LRP1B: variants seen among roughly 807,000 people sequenced by gnomAD.
The protein encoded by LRP1B is low-density lipoprotein receptor-related protein 1B.
In LRP1B, 217 loss-of-function variants were observed where a neutral mutation model predicts 556.6. The ratio of observed to expected loss-of-function variants is 0.39; its 90% CI spans 0.35 to 0.44. The LOEUF (loss-of-function observed/expected upper bound fraction) is 0.44, where lower values mean the gene tolerates loss of function less well. LRP1B is among the 20% of genes least tolerant of loss of function. The pLI, the probability that LRP1B is intolerant of heterozygous loss-of-function variation, is 1.00. For synonymous variants in LRP1B, 2,047 were observed against 1,865.8 expected (o/e 1.10, Z -2.50); for missense variants, 5,053 against 5,620.8 (o/e 0.90, Z 3.23).
intron 2 of LRP1B, among the ~76,000 whole-genome samples, chr2:141,534,694 G>A (rs1574054414): frequency 2.0e-5 from 3 of 152,108 alleles, no homozygotes; most frequent in Non-Finnish European, 2.9e-5. Flanking sequence ...CTGAGATAGG[G>A]AGCTTTTTAC....
At chr2:140,380,716 A>C (rs2105188141) in intron 67 of LRP1B, among the ~76,000 whole-genome samples, 1 of 152,312 alleles carries the variant, frequency 6.6e-6, no homozygotes, top group East Asian at 1.9e-4. Context: ...TTTAAAAGTA[A>C]GTGTGCTCAT....
intron 1 of LRP1B, among the ~76,000 whole-genome samples, chr2:141,954,890 GT>G (rs1701205804): frequency 1.3e-5 from 2 of 152,040 alleles, no homozygotes; most frequent in Non-Finnish European, 2.9e-5. Context: ...ATATGGTTGT[GT>G]AGATATTTTC....
At chr2:141,195,633 T>C (rs947257509) in intron 6 of LRP1B, among the ~76,000 whole-genome samples, 1 of 152,126 alleles carries the variant, frequency 6.6e-6, no homozygotes, top group Admixed American at 6.5e-5. Flanking sequence ...CCTGAAATTA[T>C]CCATCATGCA....
intron 1 of LRP1B, among the ~76,000 whole-genome samples, chr2:142,022,573 A>G (rs527647978): frequency 5.4e-4 from 82 of 152,272 alleles, no homozygotes; most frequent in Non-Finnish European, 1.1e-3. Flanking sequence ...CTCATTCTGT[A>G]CAGTGTTTTC....
At chr2:141,309,912 C>T (rs1219263745) in intron 3 of LRP1B, among the ~76,000 whole-genome samples, 2 of 152,054 alleles carry the variant, frequency 1.3e-5, no homozygotes, top group African/African-American at 2.4e-5. Context: ...ATAAGTGTTC[C>T]TTAAATGTCA....
intron 2 of LRP1B, among the ~76,000 whole-genome samples, chr2:141,632,247 A>C (rs1481463370): frequency 6.6e-6 from 1 of 152,152 alleles, no homozygotes; most frequent in Non-Finnish European, 1.5e-5. Flanking sequence ...AAACTCATAT[A>C]ATAATTTATC....
At chr2:140,915,685 T>TAAATAAAA (rs761829529) in intron 21 of LRP1B, among the ~76,000 whole-genome samples, 1 of 126,530 alleles carries the variant, frequency 7.9e-6, no homozygotes, top group Admixed American at 8.1e-5. Flanking sequence ...AATAAATAAA[T>TAAATAAAA]AAAATAAATC....
chr2:141,677,923 G>A (rs1484702781), intron 2 of LRP1B, among the ~76,000 whole-genome samples: 1 of 152,172 alleles, frequency 6.6e-6, no homozygotes, highest in East Asian at 1.9e-4. Flanking sequence ...ATATATGAAT[G>A]CAAGAGGTTT....
At chr2:140,549,747 C>T (rs545256129) in intron 43 of LRP1B, among the ~76,000 whole-genome samples, 1 of 152,236 alleles carries the variant, frequency 6.6e-6, no homozygotes, top group South Asian at 2.1e-4. Flanking sequence ...CTTTTAGTTC[C>T]CATTAGTTTC....
At chr2:141,224,462 C>A (rs187523286) in intron 6 of LRP1B, among the ~76,000 whole-genome samples, 2 of 152,114 alleles carry the variant, frequency 1.3e-5, no homozygotes, top group Non-Finnish European at 2.9e-5. Context: ...TACCATTTGA[C>A]CCGGCAATCC....
rs760881172 is a variant in LRP1B at position 140,886,269 on chromosome 2, C to T, written c.3833G>A (p.Arg1278Lys). The change falls in exon 24 of 91, where the codon AGA (arginine) becomes AAA (lysine). Residue 1278 changes from arginine to lysine, a missense_variant. Around this residue, in one of 5 missense-constraint regions of LRP1B, gnomAD observed 3,619 missense variants for 3,931.9 expected, o/e 0.92. Coordinates refer to ENST00000389484, the MANE Select transcript of LRP1B (RefSeq NM_018557.3). The part of the protein sequence containing the change: ...HEIRRIDLHK[R>K]DYSLLVPGLR... ...TCCAGGAACAAGTAGACTATAGTCT[C>T]TTTTGTGAAGATCAATCCTTCTGAT... 3.8e-5 allele frequency: 61 copies of T among 1,609,416 alleles called. 1 individual carries two copies. The South Asian group carries it at 6.0e-4, about 16-fold the overall frequency.
chr2:140,932,868 A>ACT (rs912834549), intron 20 of LRP1B, among the ~76,000 whole-genome samples: 5 of 112,186 alleles, frequency 4.5e-5, no homozygotes, highest in Non-Finnish European at 5.7e-5. Context: ...AGAGTGAGAC[A>ACT]CTCTCTCTCT....
intron 6 of LRP1B, among the ~76,000 whole-genome samples, chr2:141,191,965 A>C (rs1023756108): frequency 6.6e-6 from 1 of 151,918 alleles, no homozygotes; most frequent in African/African-American, 2.4e-5. Flanking sequence ...GACAGCATTC[A>C]TACCTTCTCT....
chr2:141,482,678 A>G (rs1291199063), intron 2 of LRP1B, among the ~76,000 whole-genome samples: 1 of 152,050 alleles, frequency 6.6e-6, no homozygotes, highest in Non-Finnish European at 1.5e-5. Context: ...CACATACATT[A>G]ATATTAAAAA....
chr2:141,431,323 G>C (rs1225306926), intron 3 of LRP1B, among the ~76,000 whole-genome samples: 1 of 151,946 alleles, frequency 6.6e-6, no homozygotes, highest in Non-Finnish European at 1.5e-5. Context: ...GATGTAATAG[G>C]CTACACATAC....
At chr2:140,855,585 G>C (rs1309605797) in intron 27 of LRP1B, among the ~76,000 whole-genome samples, 1 of 150,810 alleles carries the variant, frequency 6.6e-6, no homozygotes, top group Non-Finnish European at 1.5e-5. Flanking sequence ...AGAATCCTCA[G>C]CACTAGTCAG....
intron 2 of LRP1B, among the ~76,000 whole-genome samples, chr2:141,696,905 T>G (rs1453272024): frequency 6.6e-6 from 1 of 151,990 alleles, no homozygotes; most frequent in Non-Finnish European, 1.5e-5. Flanking sequence ...ATGGGCGATG[T>G]TAAAAGAAAC....
intron 11 of LRP1B, among the ~76,000 whole-genome samples, chr2:141,040,394 T>C (rs1698662625): frequency 6.6e-6 from 1 of 152,066 alleles, no homozygotes; most frequent in Non-Finnish European, 1.5e-5. Context: ...AACTCAATCT[T>C]TATGAGAAAT....
At chr2:141,790,867 T>G (rs551359642) in intron 2 of LRP1B, among the ~76,000 whole-genome samples, 1 of 152,112 alleles carries the variant, frequency 6.6e-6, no homozygotes, top group Non-Finnish European at 1.5e-5. Context: ...CATATTTTTT[T>G]GTTGTATAGA....
Sources: allele counts gnomAD v4.1 joint callset (sites outside exome capture counted in the v4.1 genomes callset), GRCh38; gene constraint gnomAD v4.1.1; regional missense constraint gnomAD v4.1.1; transcripts MANE v1.5; gene names NCBI Gene and HGNC (gene_info 2026-07-23, HGNC 2026-07-21).